The following NALF1 variants were observed in gnomAD, a reference collection of about 807,000 sequenced individuals.
The protein encoded by NALF1 is family with sequence similarity 155 member A.
A neutral mutation model predicts 48.4 loss-of-function variants in NALF1; 3 were observed. That is an observed-to-expected ratio of 0.06 (90% CI 0.03 to 0.16). The LOEUF is 0.16. Ranked by LOEUF, NALF1 falls within the 10% of genes least tolerant of loss-of-function variation. NALF1 has a pLI of 1.00. For missense variants in NALF1, 526 were observed against 571.5 expected (o/e 0.92, Z 0.81); for synonymous variants, 262 against 245.7 (o/e 1.07, Z -0.62).
At chr13:107,201,545 C>G (rs1013068432) in intron 2 of NALF1, among the ~76,000 whole-genome samples, 1 of 151,948 alleles carries the variant, frequency 6.6e-6, no homozygotes, top group African/African-American at 2.4e-5. Flanking sequence ...CCACTGCACT[C>G]CAGCCTGGGT....
intron 1 of NALF1, among the ~76,000 whole-genome samples, chr13:107,424,124 AG>A (rs1432915273): frequency 1.4e-3 from 215 of 152,222 alleles, no homozygotes; most frequent in African/African-American, 4.9e-3. Flanking sequence ...AGGAAGATAC[AG>A]CTATTTACTT....
intron 1 of NALF1, among the ~76,000 whole-genome samples, chr13:107,248,514 G>C (rs1189374153): frequency 1.3e-5 from 2 of 149,880 alleles, no homozygotes; most frequent in African/African-American, 4.9e-5. Flanking sequence ...CCTAAAGAAA[G>C]GTTAACAGTA....
At chr13:107,208,991 C>T (rs1160419542) in intron 2 of NALF1, among the ~76,000 whole-genome samples, 1 of 152,302 alleles carries the variant, frequency 6.6e-6, no homozygotes, top group Admixed American at 6.5e-5. Context: ...TTCACTTTCT[C>T]GTGTGCAACG....
At chr13:107,500,551 C>T (rs1187214454) in intron 1 of NALF1, among the ~76,000 whole-genome samples, 1 of 150,512 alleles carries the variant, frequency 6.6e-6, no homozygotes, top group East Asian at 1.9e-4. Flanking sequence ...TGTGGCGATT[C>T]CTCAGGGATC....
At chr13:107,175,692 C>G (rs916877615) in intron 2 of NALF1, among the ~76,000 whole-genome samples, 7 of 152,050 alleles carry the variant, frequency 4.6e-5, no homozygotes, top group Non-Finnish European at 8.8e-5. Context: ...ATTTCTTTGC[C>G]TTATATAGAG....
intron 1 of NALF1, among the ~76,000 whole-genome samples, chr13:107,792,420 T>C (rs545177219): frequency 6.6e-6 from 1 of 152,244 alleles, no homozygotes; most frequent in African/African-American, 2.4e-5. Flanking sequence ...CAAGATCCAC[T>C]TCTCCCCCAC....
intron 2 of NALF1, among the ~76,000 whole-genome samples, chr13:107,201,941 A>G (rs1879530114): frequency 1.3e-5 from 2 of 152,276 alleles, no homozygotes; most frequent in South Asian, 2.1e-4. Context: ...CAGACTCTCT[A>G]TGCCTGGGTT....
intron 1 of NALF1, among the ~76,000 whole-genome samples, chr13:107,808,489 G>C (rs980826243): frequency 4.6e-5 from 7 of 152,062 alleles, no homozygotes; most frequent in Admixed American, 3.9e-4. Flanking sequence ...CTGCACAACA[G>C]GGTAATCTTA....
At chr13:107,550,809 C>T (rs148460845) in intron 1 of NALF1, among the ~76,000 whole-genome samples, 115 of 151,998 alleles carry the variant, frequency 7.6e-4, no homozygotes, top group African/African-American at 2.7e-3. Flanking sequence ...TAGGTCCTGG[C>T]TCAGGTGACC....
intron 1 of NALF1, among the ~76,000 whole-genome samples, chr13:107,331,915 G>T (rs1882476367): frequency 6.6e-6 from 1 of 151,900 alleles, no homozygotes; most frequent in Admixed American, 6.6e-5. Context: ...TATTTCAAAG[G>T]ACATCAAAAT....
At chr13:107,757,382 T>G (rs1487039981) in intron 1 of NALF1, among the ~76,000 whole-genome samples, 4 of 150,884 alleles carry the variant, frequency 2.7e-5, no homozygotes, top group Admixed American at 6.6e-5. Context: ...ATGGAGAGCT[T>G]CACATTCCAG....
chr13:107,722,909 T>C (rs1381652226), intron 1 of NALF1, among the ~76,000 whole-genome samples: 1 of 152,234 alleles, frequency 6.6e-6, no homozygotes, highest in East Asian at 1.9e-4. Context: ...ATGGCGGCTC[T>C]GAGCACAATG....
chr13:107,377,582 G>A (rs905381574), intron 1 of NALF1, among the ~76,000 whole-genome samples: 6 of 151,828 alleles, frequency 4.0e-5, no homozygotes. Flanking sequence ...AACCAGCCTA[G>A]GCAACATAAG....
At chr13:107,270,722 G>A (rs1881144785) in intron 1 of NALF1, among the ~76,000 whole-genome samples, 1 of 151,810 alleles carries the variant, frequency 6.6e-6, no homozygotes, top group Non-Finnish European at 1.5e-5. Context: ...GTGCAGGTTT[G>A]TTACATATGT....
chr13:107,866,410 T>C lies in NALF1; in HGVS notation c.187A>G (p.Lys63Glu). ...TCCTTGTCCCGGGCCCGGGTCAGCT[T>C]GGCCTCGGCGCAGAACCACAAGTGA... The part of the protein sequence containing the change: ...SDHLWFCAEA[K>E]LTRARDKEHQ... Residue 63 changes from lysine (K) to glutamate (E), a missense_variant, in exon 1 of 3, where the codon AAG becomes GAG. Lys to Glu is a moderately conservative substitution (Grantham distance 56). Transcript: ENST00000375915. This position sits in a 1 kb window ranked among gnomAD's most constrained non-coding sequence, Gnocchi z 4.4. 2 of 1,613,944 alleles carry C rather than the reference T, an allele frequency of 1.2e-6. No homozygotes were observed. The highest frequency in any genetic ancestry group is 8.5e-7 in the Non-Finnish European group (1 of 1,179,996).
At position 107,465,477 on chromosome 13, in the gene NALF1, A is replaced by T. The variant is rs536185526; in HGVS notation, c.916-254722T>A. On this transcript the variant is annotated intron_variant, in intron 1 of 2. Coordinates refer to ENST00000375915, the MANE Select transcript of NALF1 (RefSeq NM_001080396.3). The stretch of plus-strand genomic sequence containing the variant: ...GCCTGGGTCTCTGTGCTCTGGGAAA[A>T]CCTCTATCACACAAGATTCTGATGA... Among the ~76,000 whole-genome samples the T allele has an allele frequency of 9.3e-5, 14 of 150,752 alleles. No individual in the cohort carries two copies. The South Asian group carries it at 2.9e-3, about 32-fold the overall frequency.
At chr13:107,562,295 T>A (rs1877670188) in intron 1 of NALF1, among the ~76,000 whole-genome samples, 1 of 152,234 alleles carries the variant, frequency 6.6e-6, no homozygotes, top group African/African-American at 2.4e-5. Flanking sequence ...TGCTAGCATC[T>A]GTGCAGTTTT....
intron 1 of NALF1, among the ~76,000 whole-genome samples, chr13:107,610,178 C>T (rs772354423): frequency 1.7e-4 from 26 of 152,278 alleles, no homozygotes; most frequent in Admixed American, 2.0e-4. Flanking sequence ...ACTGGTACAG[C>T]TACTTTGACA....
At chr13:107,609,064 A>C (rs1355361347) in intron 1 of NALF1, among the ~76,000 whole-genome samples, 1 of 152,140 alleles carries the variant, frequency 6.6e-6, no homozygotes, top group African/African-American at 2.4e-5. Flanking sequence ...GGAGGAAAGA[A>C]GACTACCTTT....
Sources: gnomAD v4.1 joint callset for allele counts (sites outside exome capture counted in the v4.1 genomes callset) on GRCh38, gnomAD v4.1.1 for gene constraint, Gnocchi (gnomAD v3.1) non-coding constraint, MANE v1.5 for transcripts, NCBI Gene and HGNC (gene_info 2026-07-23, HGNC 2026-07-21) for gene names.